NRXN1: variants seen among roughly 807,000 people sequenced by gnomAD.
The protein encoded by NRXN1 is neurexin 1, also known as neurexin-1.
Under a neutral mutation model 150.9 loss-of-function variants are expected in NRXN1, and 39 were observed. The observed-to-expected ratio is 0.26, with a 90% CI of 0.20 to 0.34. The LOEUF (loss-of-function observed/expected upper bound fraction) is 0.34, where lower values mean the gene tolerates loss of function less well. NRXN1 is among the 10% of genes least tolerant of loss of function. The pLI, the probability that NRXN1 is intolerant of heterozygous loss-of-function variation, is 1.00. For missense variants in NRXN1, 1,815 were observed against 1,949.9 expected (o/e 0.93, Z 1.30); for synonymous variants, 924 against 757.0 (o/e 1.22, Z -3.62).
intron 17 of NRXN1, among the ~76,000 whole-genome samples, chr2:50,278,792 C>T (rs1258768917): frequency 2.6e-5 from 4 of 152,074 alleles, no homozygotes; most frequent in Non-Finnish European, 5.9e-5. Context: ...AGATAAGCAA[C>T]AGCTCGAAGA....
intron 5 of NRXN1, among the ~76,000 whole-genome samples, chr2:50,807,809 G>C (rs1667708148): frequency 6.6e-6 from 1 of 151,960 alleles, no homozygotes; most frequent in South Asian, 2.1e-4. Flanking sequence ...CTTCTTGATG[G>C]GATTCAGTTT....
At chr2:50,492,393 C>T (rs552514997) in intron 15 of NRXN1, among the ~76,000 whole-genome samples, 2 of 152,230 alleles carry the variant, frequency 1.3e-5, no homozygotes, top group East Asian at 3.9e-4. Flanking sequence ...AGAGAAAGAT[C>T]ATTAGATTCC....
intron 17 of NRXN1, among the ~76,000 whole-genome samples, chr2:50,283,210 C>G (rs1712878): frequency 0.82 from 124,274 of 152,092 alleles, 50,866 homozygotes; most frequent in Middle Eastern, 0.87. Flanking sequence ...TTAGAAGTAT[C>G]ATACAAGCAT....
At chr2:50,168,742 G>C (rs1448227687) in intron 18 of NRXN1, among the ~76,000 whole-genome samples, 1 of 152,144 alleles carries the variant, frequency 6.6e-6, no homozygotes, top group African/African-American at 2.4e-5. Flanking sequence ...ACAAGCCCAG[G>C]ACTTACATGA....
chr2:50,851,519 T>C (rs937590399), intron 5 of NRXN1, among the ~76,000 whole-genome samples: 1 of 152,144 alleles, frequency 6.6e-6, no homozygotes, highest in African/African-American at 2.4e-5. Flanking sequence ...ATCCACATGT[T>C]GTACACACTA....
At chr2:49,990,474 A>G (rs1681737269) in intron 21 of NRXN1, among the ~76,000 whole-genome samples, 1 of 152,180 alleles carries the variant, frequency 6.6e-6, no homozygotes, top group Non-Finnish European at 1.5e-5. Flanking sequence ...ACATAATTTT[A>G]TTTATATATT....
intron 13 of NRXN1, among the ~76,000 whole-genome samples, chr2:50,502,545 A>G (rs2092003978): frequency 6.6e-6 from 1 of 152,130 alleles, no homozygotes; most frequent in South Asian, 2.1e-4. Flanking sequence ...TCTGAATATA[A>G]GAAGTGGTAC....
chr2:50,640,191 A>T (rs886762646), intron 5 of NRXN1, among the ~76,000 whole-genome samples: 1 of 152,146 alleles, frequency 6.6e-6, no homozygotes, highest in Non-Finnish European at 1.5e-5. Flanking sequence ...AATTATCACC[A>T]TAAGACTTGG....
chr2:50,162,986 T>G (rs1313754682), intron 18 of NRXN1, among the ~76,000 whole-genome samples: 1 of 151,900 alleles, frequency 6.6e-6, no homozygotes, highest in Non-Finnish European at 1.5e-5. Context: ...ATTATTTGTG[T>G]TCTACTTTGC....
intron 18 of NRXN1, among the ~76,000 whole-genome samples, chr2:50,190,674 G>A (rs898951567): frequency 6.7e-6 from 1 of 148,170 alleles, no homozygotes; most frequent in Non-Finnish European, 1.5e-5. Context: ...GTGCAATGGC[G>A]TGATCTTGGC....
At chr2:50,146,588 A>G (rs1708042873) in intron 18 of NRXN1, among the ~76,000 whole-genome samples, 1 of 151,704 alleles carries the variant, frequency 6.6e-6, no homozygotes, top group Non-Finnish European at 1.5e-5. Flanking sequence ...AAAATAAATG[A>G]TAAGATATTC....
chr2:50,197,521 G>A (rs562550604), intron 18 of NRXN1, among the ~76,000 whole-genome samples: 3 of 152,160 alleles, frequency 2.0e-5, no homozygotes, highest in East Asian at 1.9e-4. Context: ...TTGAAGTAAC[G>A]CATCTTTCCC....
chr2:50,757,830 C>A (rs982902113), intron 5 of NRXN1: 2 of 151,318 alleles, frequency 1.3e-5, no homozygotes, highest in Non-Finnish European at 3.0e-5. Context: ...TGTGAAAGTG[C>A]AAGACATAAG....
intron 15 of NRXN1, among the ~76,000 whole-genome samples, chr2:50,486,047 T>G (rs1026545578): frequency 6.6e-6 from 1 of 152,192 alleles, no homozygotes; most frequent in Non-Finnish European, 1.5e-5. Flanking sequence ...TATAATTACC[T>G]TAACAGTGAA....
chr2:50,481,108 G>A (rs943906795), intron 15 of NRXN1, among the ~76,000 whole-genome samples: 1 of 152,156 alleles, frequency 6.6e-6, no homozygotes, highest in African/African-American at 2.4e-5. Flanking sequence ...CCAGAACAGG[G>A]CAGGGTCTTA....
intron 17 of NRXN1, among the ~76,000 whole-genome samples, chr2:50,332,225 G>A (rs2076882652): frequency 6.6e-6 from 1 of 152,220 alleles, no homozygotes; most frequent in African/African-American, 2.4e-5. Context: ...TAGCTTTAAA[G>A]TAAGTTCTGA....
intron 18 of NRXN1, among the ~76,000 whole-genome samples, chr2:50,193,847 A>G (rs1466698271): frequency 6.6e-6 from 1 of 152,164 alleles, no homozygotes; most frequent in Non-Finnish European, 1.5e-5. Context: ...TTGGAAAAAA[A>G]AAAGTTGAGC....
rs1418935524 is a variant in NRXN1, at chr2:50,792,715, A to G, written c.832+129154T>C. Among the ~76,000 whole-genome samples the G allele has an allele frequency of 2.0e-5, 3 of 152,050 alleles. 1 individual carries two copies. In the East Asian group the frequency reaches 5.8e-4, roughly 29 times the overall value. On this transcript the variant is annotated intron_variant, in intron 5 of 22. Coordinates refer to ENST00000401669, the MANE Select transcript of NRXN1 (RefSeq NM_001330078.2). ...CAAGAGAAGGGTAAACGGTTAATTA[A>G]AAGCAAATTAGATGAAATAAGATGA...
chr2:50,854,292 G>A (rs942460838), intron 5 of NRXN1, among the ~76,000 whole-genome samples: 3 of 152,006 alleles, frequency 2.0e-5, no homozygotes, highest in Non-Finnish European at 4.4e-5. Context: ...TAAAAATACG[G>A]AATGTAACAT....
Sources: gnomAD v4.1 joint callset for allele counts (sites outside exome capture counted in the v4.1 genomes callset) on GRCh38, gnomAD v4.1.1 for gene constraint, MANE v1.5 for transcripts, NCBI Gene and HGNC (gene_info 2026-07-23, HGNC 2026-07-21) for gene names.